The following SLA variants were observed in gnomAD, a reference collection of about 807,000 sequenced individuals.
SLA encodes src-like-adapter.
Under a neutral mutation model 30.3 loss-of-function variants are expected in SLA, and 16 were observed. The ratio of observed to expected loss-of-function variants is 0.53; its 90% CI spans 0.36 to 0.80. The LOEUF (loss-of-function observed/expected upper bound fraction) is 0.80, where lower values mean the gene tolerates loss of function less well. SLA is among the 30% of genes least tolerant of loss of function. The pLI, the probability that SLA is intolerant of heterozygous loss-of-function variation, is 0.01. For missense variants in SLA, 310 were observed against 345.2 expected (o/e 0.90, Z 0.81); for synonymous variants, 143 against 137.8 (o/e 1.04, Z -0.26).
chr8:133,053,050 C>A (rs1015197557), intron 3 of SLA, among the ~76,000 whole-genome samples: 10 of 152,196 alleles, frequency 6.6e-5, no homozygotes, highest in African/African-American at 2.4e-4. Flanking sequence ...CTCCAACTTG[C>A]CAGGCACCCT....
intron 7 of SLA, among the ~76,000 whole-genome samples, chr8:133,042,876 T>C (rs903329038): frequency 6.6e-6 from 1 of 151,676 alleles, no homozygotes; most frequent in Non-Finnish European, 1.5e-5. Context: ...GTATTTTTAG[T>C]GCAGACAGGG....
chr8:133,084,725 T>G (rs914830082), intron 1 of SLA, among the ~76,000 whole-genome samples: 3 of 152,204 alleles, frequency 2.0e-5, no homozygotes, highest in Non-Finnish European at 2.9e-5. Flanking sequence ...CCAGCAGAAG[T>G]GCCCGGGAGA....
At chr8:133,067,686 G>A (rs1044652803) in intron 2 of SLA, among the ~76,000 whole-genome samples, 2 of 152,040 alleles carry the variant, frequency 1.3e-5, no homozygotes, top group African/African-American at 4.8e-5. Flanking sequence ...TGAGGCAGGA[G>A]AATCACTTGA....
In SLA at chr8:133,038,527, G is replaced by A. The variant is rs1837511389; in HGVS notation, c.828C>T (p.Asp276=). 6.2e-7 allele frequency: 1 copy of A among 1,606,388 alleles called. No individual in the cohort carries two copies. The highest frequency in any genetic ancestry group is 8.5e-7 in the Non-Finnish European group (1 of 1,172,832). The stretch of plus-strand genomic sequence containing the variant: ...GAACCATTGTGTCTGTTCTTGGCTA[G>A]TCCTCAAAGTAAGGTGGTGATGAGA... ...SFFSSPPYFE[D] The change falls in exon 9 of 9, where the codon GAC becomes GAT. Residue 276 remains aspartate (D), a synonymous_variant. Coordinates refer to ENST00000338087, the MANE Select transcript of SLA (RefSeq NM_001045556.3).
chr8:133,081,891 CA>C (rs1845809079), intron 1 of SLA, among the ~76,000 whole-genome samples: 1 of 152,200 alleles, frequency 6.6e-6, no homozygotes, highest in African/African-American at 2.4e-5. Context: ...CGGATTGTCA[CA>C]CAGGCCCCAC....
chr8:133,073,409 G>A (rs1215607791), intron 2 of SLA, among the ~76,000 whole-genome samples: 1 of 152,006 alleles, frequency 6.6e-6, no homozygotes, highest in Non-Finnish European at 1.5e-5. Context: ...AGGCTGGAGT[G>A]CAGTGGCACC....
At chr8:133,050,213 C>G in intron 4 of SLA, 1 of 552,864 alleles carries the variant, frequency 1.8e-6, no homozygotes, top group Non-Finnish European at 3.3e-6. Context: ...TAAACCCTCC[C>G]ATGTGCTAGA....
At chr8:133,078,154 T>C (rs1845187669) in intron 1 of SLA, among the ~76,000 whole-genome samples, 1 of 152,220 alleles carries the variant, frequency 6.6e-6, no homozygotes, top group Admixed American at 6.5e-5. Flanking sequence ...TCACCCATCC[T>C]TCCTCTCCAC....
At chr8:133,075,687 A>G (rs891203463) in intron 1 of SLA, among the ~76,000 whole-genome samples, 2 of 152,222 alleles carry the variant, frequency 1.3e-5, no homozygotes, top group Non-Finnish European at 2.9e-5. Flanking sequence ...ATCTACAGCC[A>G]TCATATTGGC....
chr8:133,051,018 C>A, intron 3 of SLA, 103 bp from the exon 4 acceptor site: 1 of 675,912 alleles, frequency 1.5e-6, no homozygotes, highest in Non-Finnish European at 2.7e-6. Context: ...GATTTTCCAG[C>A]AGGAAATACC....
At chr8:133,050,301 G>A (rs1840161769) in intron 4 of SLA, 2 of 403,502 alleles carry the variant, frequency 5.0e-6, no homozygotes, top group African/African-American at 4.0e-5. Context: ...TTACTATGTT[G>A]ATTTATGCTC....
At chr8:133,059,614 A>G (rs1428004926) in intron 3 of SLA, among the ~76,000 whole-genome samples, 1 of 151,984 alleles carries the variant, frequency 6.6e-6, no homozygotes, top group African/African-American at 2.4e-5. Flanking sequence ...CTTTGTTTTC[A>G]GGAAGATGTC....
chr8:133,040,527 T>C (rs945722452), intron 7 of SLA, among the ~76,000 whole-genome samples: 14 of 152,338 alleles, frequency 9.2e-5, no homozygotes, highest in African/African-American at 3.4e-4. Flanking sequence ...CTTCCAGGGT[T>C]TCCCGCAAAT....
At chr8:133,091,949 G>C in intron 1 of SLA, among the ~76,000 whole-genome samples, 1 of 152,004 alleles carries the variant, frequency 6.6e-6, no homozygotes, top group East Asian at 1.9e-4. Flanking sequence ...GTTTCCATCT[G>C]TGGCTGTGTG....
At chr8:133,058,272 G>A (rs896755617) in intron 3 of SLA, among the ~76,000 whole-genome samples, 12 of 152,194 alleles carry the variant, frequency 7.9e-5, no homozygotes, top group Non-Finnish European at 1.3e-4. Context: ...CAGCCCACCA[G>A]CGCTTGATGT....
intron 3 of SLA, among the ~76,000 whole-genome samples, chr8:133,054,850 C>T (rs143044196): frequency 3.9e-4 from 59 of 152,294 alleles, no homozygotes; most frequent in African/African-American, 1.4e-3. Context: ...CAAGAGAGGA[C>T]GGGCCCTTTT....
At chr8:133,074,007 C>A (rs1844481127) in intron 2 of SLA, among the ~76,000 whole-genome samples, 1 of 152,110 alleles carries the variant, frequency 6.6e-6, no homozygotes, top group Admixed American at 6.5e-5. Flanking sequence ...CATGCACAGC[C>A]CCAAATGAGG....
chr8:133,070,791 G>A (rs1054863127), intron 2 of SLA, among the ~76,000 whole-genome samples: 5 of 152,208 alleles, frequency 3.3e-5, no homozygotes, highest in African/African-American at 1.2e-4. Flanking sequence ...GGGAGCTGGT[G>A]TGCACACTGG....
At chr8:133,089,302 T>C (rs978085020) in intron 1 of SLA, among the ~76,000 whole-genome samples, 1 of 152,168 alleles carries the variant, frequency 6.6e-6, no homozygotes, top group African/African-American at 2.4e-5. Flanking sequence ...GAGGAATAAC[T>C]ACCTCCCAAC....
Sources: gnomAD v4.1 joint callset for allele counts (sites outside exome capture counted in the v4.1 genomes callset) on GRCh38, gnomAD v4.1.1 for gene constraint, MANE v1.5 for transcripts, NCBI Gene and HGNC (gene_info 2026-07-23, HGNC 2026-07-21) for gene names.